Variants in GNA12 observed in about 807,000 individuals in gnomAD.
The protein encoded by GNA12 is G protein subunit alpha 12.
In GNA12, 9 loss-of-function variants were observed where a neutral mutation model predicts 26.0. The observed-to-expected ratio is 0.35, with a 90% CI of 0.21 to 0.60. The LOEUF (loss-of-function observed/expected upper bound fraction) is 0.60, where lower values mean the gene tolerates loss of function less well. Among genes scored for constraint, GNA12 ranks in the 20% least tolerant of loss-of-function variants. The pLI, the probability that GNA12 is intolerant of heterozygous loss-of-function variation, is 0.78. For missense variants in GNA12, 405 were observed against 525.8 expected, an observed-to-expected ratio of 0.77 and a Z score of 2.25; for synonymous variants, 264 against 219.6, an observed-to-expected ratio of 1.20 and a Z score of -1.79.
In GNA12 at chr7:2,728,638, A is replaced by G. The variant is rs560670391; in HGVS notation, c.*2543T>C. 6.5e-6 allele frequency: 1 copy of G among 152,710 alleles called. No individual in the cohort carries two copies. Among genetic ancestry groups the G allele is most frequent in the South Asian group, 2.1e-4 (1 of 4,830 alleles). The allele number at this position is 152,710 out of a possible 1,614,324, so 9.5% of individuals were successfully genotyped here. A position where few individuals can be genotyped will look rare whatever the true frequency, so the allele number is the denominator to read the frequency against. The stretch of plus-strand genomic sequence containing the variant: ...TCCTGCTTTTCCAACATCTTAATAA[A>G]AAAGACAATAAGGATTAACAGTGAA... On this transcript the variant is annotated 3_prime_UTR_variant, in exon 4 of 4. Coordinates refer to ENST00000275364, the MANE Select transcript of GNA12 (RefSeq NM_007353.3).
chr7:2,828,416 C>G (rs755741232), intron 1 of GNA12, among the ~76,000 whole-genome samples: 1 of 152,170 alleles, frequency 6.6e-6, no homozygotes, highest in African/African-American at 2.4e-5. Context: ...TGAAGTGGCA[C>G]GATCCTAGCT....
At position 2,778,077 on chromosome 7, in the gene GNA12, GCCGCCTTA is replaced by G. The variant is rs1792123583; in HGVS notation, c.525+16843_525+16850del. Among the ~76,000 whole-genome samples, 4 of 152,332 alleles carry G rather than the reference GCCGCCTTA, an allele frequency of 2.6e-5. No homozygotes were observed. The Middle Eastern group carries it at 0.01, about 389-fold the overall frequency. On this transcript the variant is annotated intron_variant, in intron 2 of 3. Transcript: ENST00000275364. ...AATGCTCAAACACGAGCTACACTAT[GCCGCCTTA>G]GCGGCATAGTCTTTTCCAAAGACTC...
At chr7:2,777,977 G>T (rs1472768644) in intron 2 of GNA12, among the ~76,000 whole-genome samples, 1 of 152,230 alleles carries the variant, frequency 6.6e-6, no homozygotes, top group Non-Finnish European at 1.5e-5. Context: ...CTTCAGAAGA[G>T]GAGGGCCTTT....
At chr7:2,776,905 G>C (rs752701472) in intron 2 of GNA12, among the ~76,000 whole-genome samples, 14 of 152,172 alleles carry the variant, frequency 9.2e-5, no homozygotes, top group Non-Finnish European at 2.1e-4. Context: ...AGCTGTGACT[G>C]TGCAGCTGTG....
chr7:2,731,229 C>G lies in GNA12; in HGVS notation c.1098G>C (p.Val366=). ...GGTTCTCCTGCAGGATGGTGTCTTT[C>G]ACAGCATGGAACACGAAGCGGACGT... ...TENVRFVFHA[V]KDTILQENLK... The change falls in exon 4 of 4, where the codon GTG becomes GTC. Residue 366 remains valine, a synonymous_variant. Coordinates refer to ENST00000275364, the MANE Select transcript of GNA12 (RefSeq NM_007353.3). The surrounding 1 kb of genome is among the most constrained non-coding windows in gnomAD (Gnocchi z 6.0). 6.2e-7 allele frequency: 1 copy of G among 1,613,456 alleles called. No individual in the cohort carries two copies. The highest frequency in any genetic ancestry group is 1.1e-5 in the South Asian group (1 of 91,048).
chr7:2,774,940 C>A (rs1792040739), intron 2 of GNA12, among the ~76,000 whole-genome samples: 1 of 152,174 alleles, frequency 6.6e-6, no homozygotes, highest in Non-Finnish European at 1.5e-5. Context: ...TAATAATATT[C>A]TCAAAAGAGT....
intron 1 of GNA12, among the ~76,000 whole-genome samples, chr7:2,820,850 T>C (rs1311264130): frequency 1.3e-5 from 2 of 152,260 alleles, no homozygotes; most frequent in Non-Finnish European, 2.9e-5. Context: ...GCCATCCTCT[T>C]GCCTCAGACT....
chr7:2,776,269 T>G (rs1383191925), intron 2 of GNA12, among the ~76,000 whole-genome samples: 1 of 152,138 alleles, frequency 6.6e-6, no homozygotes, highest in Non-Finnish European at 1.5e-5. Flanking sequence ...GAACACTGAC[T>G]CTGGACTGGG....
intron 1 of GNA12, among the ~76,000 whole-genome samples, chr7:2,818,361 G>T (rs1340488274): frequency 6.6e-6 from 1 of 152,224 alleles, no homozygotes; most frequent in Non-Finnish European, 1.5e-5. Context: ...AAACACGCCT[G>T]CAGACGCTGC....
At chr7:2,762,397 A>C (rs1235663125) in intron 2 of GNA12, 1 of 456,180 alleles carries the variant, frequency 2.2e-6, no homozygotes, top group African/African-American at 2.0e-5. Context: ...TTCCTCACTG[A>C]GGAAACCAAA....
chr7:2,760,514 G>C (rs1791506959), intron 2 of GNA12: 2 of 152,308 alleles, frequency 1.3e-5, no homozygotes, highest in African/African-American at 4.8e-5. Context: ...CTTCCTTCTG[G>C]GCAGAGCCTA....
intron 2 of GNA12, among the ~76,000 whole-genome samples, chr7:2,789,404 G>C (rs560199415): frequency 2.0e-5 from 3 of 150,434 alleles, no homozygotes; most frequent in African/African-American, 7.4e-5. Context: ...CAAAGTGCTG[G>C]GATTACAGGC....
intron 2 of GNA12, chr7:2,762,918 G>C: frequency 1.4e-6 from 2 of 1,411,788 alleles, no homozygotes; most frequent in Non-Finnish European, 1.9e-6. Flanking sequence ...AGAGGCCACA[G>C]GCGGGGACGC....
In GNA12 at chr7:2,795,129, A is replaced by G; in HGVS notation, c.324T>C (p.Leu108=). 1 of 1,612,436 alleles carries G rather than the reference A, an allele frequency of 6.2e-7. No homozygotes were observed. Residue 108 remains leucine, a synonymous_variant, in exon 2 of 4, where the codon CTT becomes CTC. Transcript: ENST00000275364. ...TGCCAAGCTTATCTCGTGCATCAACAAGAACCCTTGAGCCCTAGAAAATAA... is the reference window on the plus strand; with the variant it reads ...TGCCAAGCTTATCTCGTGCATCAACGAGAACCCTTGAGCCCTAGAAAATAA... The part of the protein sequence containing the change: ...FDNILKGSRV[L]VDARDKLGIP...
intron 1 of GNA12, among the ~76,000 whole-genome samples, chr7:2,833,434 G>A (rs1441526154): frequency 1.3e-5 from 2 of 152,144 alleles, no homozygotes; most frequent in Non-Finnish European, 2.9e-5. Flanking sequence ...CTCACATCAA[G>A]CACAGCTGGC....
At chr7:2,744,334 G>A (rs868608761) in intron 2 of GNA12, among the ~76,000 whole-genome samples, 6 of 152,160 alleles carry the variant, frequency 3.9e-5, no homozygotes, top group Non-Finnish European at 7.4e-5. Context: ...CCAGAGGAAC[G>A]ATCAGGCAGC....
intron 1 of GNA12, among the ~76,000 whole-genome samples, chr7:2,816,212 A>C (rs1474034094): frequency 6.6e-6 from 1 of 151,692 alleles, no homozygotes; most frequent in African/African-American, 2.4e-5. Flanking sequence ...CCCCATGGAC[A>C]GCACGCACAT....
At chr7:2,772,418 G>A (rs1791971685) in intron 2 of GNA12, among the ~76,000 whole-genome samples, 1 of 152,070 alleles carries the variant, frequency 6.6e-6, no homozygotes, top group South Asian at 2.1e-4. Flanking sequence ...AAATTAGCCG[G>A]GCGTGGTGGT....
chr7:2,745,730 G>A (rs1790733131), intron 2 of GNA12, among the ~76,000 whole-genome samples: 1 of 152,184 alleles, frequency 6.6e-6, no homozygotes, highest in Non-Finnish European at 1.5e-5. Context: ...CTGGCAAATT[G>A]GATAAAGAGT....
Sources: allele counts gnomAD v4.1 joint callset (sites outside exome capture counted in the v4.1 genomes callset), GRCh38; gene constraint gnomAD v4.1.1; non-coding constraint Gnocchi (gnomAD v3.1); transcripts MANE v1.5; gene names NCBI Gene and HGNC (gene_info 2026-07-23, HGNC 2026-07-21).